Variants in TNC observed in about 807,000 individuals in gnomAD.
TNC encodes tenascin C.
TNC carries 109 observed loss-of-function variants against 202.4 expected under a neutral mutation model. That is an observed-to-expected ratio of 0.54 (90% confidence interval 0.46 to 0.63). The LOEUF (loss-of-function observed/expected upper bound fraction) is 0.63. Ranked by LOEUF, TNC falls within the 30% of genes least tolerant of loss-of-function variation. The pLI is 0.00. For missense variants in TNC, 2,756 were observed against 2,833.3 expected, an observed-to-expected ratio of 0.97 and a Z score of 0.62; for synonymous variants, 1,007 against 1,089.7, an observed-to-expected ratio of 0.92 and a Z score of 1.50.
At chr9:115,104,094 G>T (rs1376986845) in intron 1 of TNC, among the ~76,000 whole-genome samples, 1 of 152,174 alleles carries the variant, frequency 6.6e-6, no homozygotes, top group Non-Finnish European at 1.5e-5. Context: ...AATAAAAAGT[G>T]GTTCTGGACA....
In TNC at chr9:115,090,583, A is replaced by T. The variant is rs2133659803; in HGVS notation, c.436T>A (p.Cys146Ser). 1 of 1,580,576 alleles carries T rather than the reference A, an allele frequency of 6.3e-7. No individual in the cohort carries two copies. Among genetic ancestry groups the T allele is most frequent in the Non-Finnish European group, 8.6e-7 (1 of 1,162,104 alleles). The change falls in exon 2 of 28, where the codon TGC becomes AGC. Residue 146 changes from cysteine (C) to serine (S), a missense_variant. By Grantham distance (112) the Cys-to-Ser change is moderately radical (BLOSUM62 -1). Coordinates refer to ENST00000350763, the MANE Select transcript of TNC (RefSeq NM_002160.4). ...LREQCTAGAG[C>S]CLQPATGRLD... ...ATACCTGTGGCAGGCTGGAGACAGC[A>T]GCCTGCTCCTGCAGTACATTGCTCC... is the stretch of plus-strand genomic sequence containing the variant.
At position 115,091,080 on chromosome 9, in the gene TNC, A is replaced by T. The variant is rs942770398; in HGVS notation, c.-62T>A. On this transcript the variant is annotated 5_prime_UTR_variant, in exon 2 of 28. Transcript: ENST00000350763. ...TAGGGCTCTAGGGTATCTCACTTTCAGCAGAATTGGGGATTTAGAAGCACA... is the reference window on the plus strand; with the variant it reads ...TAGGGCTCTAGGGTATCTCACTTTCTGCAGAATTGGGGATTTAGAAGCACA... The T allele has an allele frequency of 2.9e-6, 4 of 1,376,322 alleles. No individual in the cohort carries two copies. In the African/African-American group the frequency reaches 5.7e-5, roughly 20 times the overall value. 85.3% of individuals were successfully genotyped at this position (1,376,322 alleles called of 1,614,324 possible). A position where few individuals can be genotyped will look rare whatever the true frequency, so the allele number is the denominator to read the frequency against.
chr9:115,111,899 C>T (rs1447891483), intron 1 of TNC, among the ~76,000 whole-genome samples: 4 of 152,080 alleles, frequency 2.6e-5, no homozygotes, highest in African/African-American at 7.2e-5. Context: ...TCCCCCAATT[C>T]AGCCTTTAGA....
chr9:115,077,666 G>A (rs897742830), intron 7 of TNC, among the ~76,000 whole-genome samples: 1 of 152,118 alleles, frequency 6.6e-6, no homozygotes, highest in Non-Finnish European at 1.5e-5. Context: ...ATATTTATTT[G>A]AACTTTATTT....
At chr9:115,045,614 T>C (rs926750080) in intron 17 of TNC, among the ~76,000 whole-genome samples, 1 of 140,326 alleles carries the variant, frequency 7.1e-6, no homozygotes, top group Non-Finnish European at 1.5e-5. Flanking sequence ...ACTCCTGGAC[T>C]CAAGTGATCC....
intron 10 of TNC, among the ~76,000 whole-genome samples, chr9:115,068,015 A>AAG (rs575600570): frequency 3.2e-4 from 49 of 152,274 alleles, no homozygotes; most frequent in Middle Eastern, 3.4e-3. Flanking sequence ...AGCTAAATTA[A>AAG]AGAGAGAGGG....
chr9:115,060,312 T>G (rs948676090), intron 13 of TNC, among the ~76,000 whole-genome samples: 2 of 152,120 alleles, frequency 1.3e-5, no homozygotes, highest in Non-Finnish European at 2.9e-5. Flanking sequence ...AGTAGGATTG[T>G]GGGTTAGGGT....
chr9:115,046,758 A>AGG (rs1483156448), intron 16 of TNC, 76 bp from the exon 17 acceptor site: 1 of 1,545,680 alleles, frequency 6.5e-7, no homozygotes, highest in African/African-American at 1.4e-5. Flanking sequence ...TCTCTCCAGT[A>AGG]GGGGTATCAA....
chr9:115,078,202 G>A lies in TNC; in HGVS notation c.2415C>T (p.Ala805=). 6.2e-7 allele frequency: 1 copy of A among 1,605,988 alleles called. No individual in the cohort carries two copies. Among genetic ancestry groups the A allele is most frequent in the South Asian group, 1.1e-5 (1 of 90,590 alleles). Reference sequence around the variant, plus strand: ...CATCTTTCACCTCGATCTGGCTGGGGGCATCCAAGCCTATGATGGGCAGAG... The same window carrying A: ...CATCTTTCACCTCGATCTGGCTGGGAGCATCCAAGCCTATGATGGGCAGAG... ...LKRVTTTRLD[A]PSQIEVKDVT... Residue 805 remains alanine, a synonymous_variant, in exon 7 of 28, where the codon GCC becomes GCT. Transcript: ENST00000350763.
At chr9:115,095,526 A>G (rs1217147448) in intron 1 of TNC, among the ~76,000 whole-genome samples, 7 of 3,388 alleles carry the variant, frequency 2.1e-3, no homozygotes, top group African/African-American at 2.4e-3. Context: ...ATATATATGT[A>G]TATATATATG....
chr9:115,101,854 T>A (rs2134050829), intron 1 of TNC, among the ~76,000 whole-genome samples: 1 of 152,192 alleles, frequency 6.6e-6, no homozygotes, highest in East Asian at 1.9e-4. Flanking sequence ...AAGGAAAGAA[T>A]TACAATCACC....
chr9:115,057,134 T>C lies in TNC; in HGVS notation c.4579+19A>G. 1 of 1,596,240 alleles carries C rather than the reference T, an allele frequency of 6.3e-7. No individual in the cohort carries two copies. The highest frequency in any genetic ancestry group is 1.3e-5 in the African/African-American group (1 of 74,542). The stretch of plus-strand genomic sequence containing the variant: ...GACTGTGGAGAGAGTGCGTTAGAAA[T>C]GGGAGAATGCACATGTACCTGTCGT... On this transcript the variant is annotated intron_variant, in intron 15 of 27. Transcript: ENST00000350763.
intron 2 of TNC, among the ~76,000 whole-genome samples, chr9:115,087,535 T>TGTGTGTGTGG (rs1834872018): frequency 2.4e-5 from 1 of 41,108 alleles, no homozygotes; most frequent in African/African-American, 1.4e-4. Context: ...GGGGTGTGTG[T>TGTGTGTGTGG]GTGTGTGTGT....
At chr9:115,027,317 C>T (rs757578105) in intron 25 of TNC, among the ~76,000 whole-genome samples, 1 of 151,320 alleles carries the variant, frequency 6.6e-6, no homozygotes, top group Non-Finnish European at 1.5e-5. Context: ...AGGCCAGGCA[C>T]GGTGGCTCAC....
chr9:115,041,988 A>G (rs1347429109), intron 18 of TNC, among the ~76,000 whole-genome samples: 1 of 152,228 alleles, frequency 6.6e-6, no homozygotes, highest in African/African-American at 2.4e-5. Flanking sequence ...AGAATTTTAT[A>G]ATTTCAAGGT....
rs1834731287 is a variant in TNC, at chr9:115,086,366, T to C, written c.1365A>G (p.Val455=). ...CATAGCCCTTGAAGCCTTGCTCACA[T>C]ACACATTTGCCCTCGACACAGCGGC... ...SRGRCVEGKC[V]CEQGFKGYDC... Residue 455 remains valine, a synonymous_variant, in exon 3 of 28, where the codon GTA becomes GTG. Transcript: ENST00000350763. 6 of 1,613,874 alleles carry C rather than the reference T, an allele frequency of 3.7e-6. No homozygotes were observed. The East Asian group carries it at 1.3e-4, about 36-fold the overall frequency.
Position 115,019,991 on chromosome 9 carries a change from T to C in TNC, c.*1166A>G, listed in dbSNP as rs1217748554. On this transcript the variant is annotated 3_prime_UTR_variant, in exon 28 of 28. Transcript: ENST00000350763. ...TCTTTTAAACCATAATCTATTAGTC[T>C]TGGAAATACTGAGCAAGATGCTGAA... 6.6e-6 allele frequency: 1 copy of C among 152,188 alleles called. No individual in the cohort carries two copies. The allele number at this position is 152,188 out of a possible 1,614,324, so 9.4% of individuals were successfully genotyped here.
rs761272838 is a variant in TNC, at chr9:115,046,592, T to A, written c.4943A>T (p.Asp1648Val). The A allele has an allele frequency of 1.2e-6, 2 of 1,614,066 alleles. No individual in the cohort carries two copies. The highest frequency in any genetic ancestry group is 2.2e-5 in the South Asian group (2 of 91,080). ...ATCTCTGATTTTGAGAACAAAATTGTCGAAGACCCCTTCATCAGCTGTCCA... is the reference window on the plus strand; with the variant it reads ...ATCTCTGATTTTGAGAACAAAATTGACGAAGACCCCTTCATCAGCTGTCCA... ...LSWTADEGVF[D>V]NFVLKIRDTK... The change falls in exon 17 of 28, where the codon GAC becomes GTC. Residue 1648 changes from aspartate to valine, a missense_variant. By Grantham distance (152) the Asp-to-Val change is radical. This residue lies in a region of TNC where 2,559 missense variants were observed against 2,546.0 expected (regional missense o/e 1.01). Coordinates refer to ENST00000350763, the MANE Select transcript of TNC (RefSeq NM_002160.4).
chr9:115,061,211 T>C (rs955689261), intron 13 of TNC, among the ~76,000 whole-genome samples: 2 of 152,162 alleles, frequency 1.3e-5, no homozygotes, highest in African/African-American at 4.8e-5. Context: ...TATCCAAGGA[T>C]TCAATGCCCT....
Sources: allele counts gnomAD v4.1 joint callset (sites outside exome capture counted in the v4.1 genomes callset), GRCh38; gene constraint gnomAD v4.1.1; regional missense constraint gnomAD v4.1.1; transcripts MANE v1.5; gene names NCBI Gene and HGNC (gene_info 2026-07-23, HGNC 2026-07-21).